Variants in ASB3 observed in about 807,000 individuals in gnomAD.
ASB3 encodes the protein ankyrin repeat and SOCS box containing 3, also known as ankyrin repeat and SOCS box protein 3.
A neutral mutation model predicts 54.5 loss-of-function variants in ASB3; 41 were observed. The ratio of observed to expected loss-of-function variants is 0.75; its 90% CI spans 0.59 to 0.98. The LOEUF is 0.98. Among genes scored for constraint, ASB3 ranks in the 50% least tolerant of loss-of-function variants. The pLI is 0.00. For missense variants in ASB3, 733 were observed against 620.0 expected (o/e 1.18, Z -1.94); for synonymous variants, 266 against 221.2 (o/e 1.20, Z -1.80).
chr2:53,671,710 G>T (rs1667830417), intron 9 of ASB3, among the ~76,000 whole-genome samples: 1 of 113,552 alleles, frequency 8.8e-6, no homozygotes, highest in South Asian at 2.5e-4. Context: ...AGTGAGCCGA[G>T]ATCATGCCAC....
chr2:53,675,146 G>A (rs1668018919), intron 9 of ASB3, among the ~76,000 whole-genome samples: 1 of 152,156 alleles, frequency 6.6e-6, no homozygotes, highest in South Asian at 2.1e-4. Context: ...TGTTGATGAT[G>A]TTCAAGTTGG....
At chr2:53,772,640 G>A (rs1371006414) in intron 1 of ASB3, among the ~76,000 whole-genome samples, 2 of 151,664 alleles carry the variant, frequency 1.3e-5, no homozygotes, top group Non-Finnish European at 2.9e-5. Flanking sequence ...AGAAATCTAA[G>A]TGAGGAATTC....
chr2:53,784,569 T>C (rs1398477672), intron 1 of ASB3, among the ~76,000 whole-genome samples: 1 of 152,186 alleles, frequency 6.6e-6, no homozygotes, highest in Non-Finnish European at 1.5e-5. Context: ...AGAAGGATTC[T>C]TCCTTGCCTC....
chr2:53,715,230 A>G (rs17045139), intron 6 of ASB3, among the ~76,000 whole-genome samples: 8,747 of 152,230 alleles, frequency 0.057, 481 homozygotes, highest in East Asian at 0.28. Context: ...GGTTATTTGT[A>G]AACTTACCTC....
Position 53,671,351 on chromosome 2 carries a change from AGCGT to A in ASB3, c.1370-665_1370-662del, listed in dbSNP as rs1460491384. 4.3e-3 allele frequency among the ~76,000 whole-genome samples: 497 copies of A among 115,156 alleles called. 2 individuals are homozygous for A. Among genetic ancestry groups the A allele is most frequent in the African/African-American group, 0.016 (480 of 30,566 alleles). 75.5% of individuals were successfully genotyped at this position (115,156 alleles called of 152,430 possible). A position where few individuals can be genotyped will look rare whatever the true frequency, so the allele number is the denominator to read the frequency against. On this transcript the variant is annotated intron_variant, in intron 9 of 9. Transcript: ENST00000263634. The stretch of plus-strand genomic sequence containing the variant: ...CAAACTCAGATCTATCTGAACCCAA[AGCGT>A]GTGTGTGTGTGTGTGTGTGTGTGTG...
intron 2 of ASB3, among the ~76,000 whole-genome samples, chr2:53,752,837 C>T (rs1376834517): frequency 6.6e-6 from 1 of 152,118 alleles, no homozygotes; most frequent in Non-Finnish European, 1.5e-5. Flanking sequence ...AAGGAATCAA[C>T]AGAAGCAGTA....
At chr2:53,759,055 C>T (rs1166921253) in intron 2 of ASB3, among the ~76,000 whole-genome samples, 1 of 152,190 alleles carries the variant, frequency 6.6e-6, no homozygotes, top group Non-Finnish European at 1.5e-5. Context: ...ACGCTAACCA[C>T]AAAAGAGAGA....
At chr2:53,768,058 C>G in intron 1 of ASB3, 3 of 1,606,458 alleles carry the variant, frequency 1.9e-6, no homozygotes, top group Non-Finnish European at 2.5e-6. Context: ...TTACTGCCCC[C>G]TGACCCCTGC....
intron 9 of ASB3, among the ~76,000 whole-genome samples, chr2:53,681,457 A>G (rs1668367505): frequency 6.6e-6 from 1 of 152,158 alleles, no homozygotes; most frequent in South Asian, 2.1e-4. Context: ...AGTTCAATGT[A>G]CTAGAGAGTT....
At position 53,694,013 on chromosome 2, in the gene ASB3, T is replaced by C; in HGVS notation, c.1240A>G (p.Ile414Val). The part of the protein sequence containing the change: ...DPLILLCNSW[I>V]DSVSIDTLIF... ...AGGGTGTCAATGCTGACTGAGTCAA[T>C]CCTATGTTAGCAAGATGTTAATATA... is the stretch of plus-strand genomic sequence containing the variant. The change falls in exon 9 of 10, where the codon ATT (isoleucine) becomes GTT (valine). Residue 414 changes from isoleucine (I) to valine (V), a missense_variant and splice_region_variant. Physicochemically the swap from Ile to Val is conservative, Grantham distance 29. Transcript: ENST00000263634. 2 of 1,612,688 alleles carry C rather than the reference T, an allele frequency of 1.2e-6. No homozygotes were observed. Among genetic ancestry groups the C allele is most frequent in the Non-Finnish European group, 1.7e-6 (2 of 1,179,204 alleles).
chr2:53,756,626 G>GA (rs1226402484), intron 2 of ASB3, among the ~76,000 whole-genome samples: 1 of 151,706 alleles, frequency 6.6e-6, no homozygotes, highest in African/African-American at 2.4e-5. Context: ...GGACCTAAAA[G>GA]AAAAAAAAGG....
chr2:53,676,664 C>T (rs1307234901), intron 9 of ASB3, among the ~76,000 whole-genome samples: 4 of 152,210 alleles, frequency 2.6e-5, no homozygotes, highest in African/African-American at 7.2e-5. Context: ...TCACTCTCCA[C>T]TCACTCATTG....
intron 7 of ASB3, among the ~76,000 whole-genome samples, chr2:53,704,691 T>C (rs1458200614): frequency 6.6e-6 from 1 of 152,172 alleles, no homozygotes; most frequent in African/African-American, 2.4e-5. Flanking sequence ...ATATTACATA[T>C]ACAGTAAATG....
chr2:53,705,716 T>C (rs1250298806), intron 7 of ASB3, among the ~76,000 whole-genome samples: 7 of 152,232 alleles, frequency 4.6e-5, no homozygotes, highest in Admixed American at 4.6e-4. Context: ...GTTAGACCTG[T>C]TGATACTGTC....
rs149521607 is a variant in ASB3 at position 53,710,279 on chromosome 2, A to G, written c.980+4105T>C. The stretch of plus-strand genomic sequence containing the variant: ...CTTTCAAGTTAATTTACTCTTTCCT[A>G]TATCTTTCATTTGGCTATGGAGTCC... On this transcript the variant is annotated intron_variant, in intron 7 of 9. Coordinates refer to ENST00000263634, the MANE Select transcript of ASB3 (RefSeq NM_016115.5). Among the ~76,000 whole-genome samples, 975 of 152,194 alleles carry G rather than the reference A, an allele frequency of 6.4e-3. 11 individuals carry two copies. The highest frequency in any genetic ancestry group is 0.023 in the African/African-American group (935 of 41,504).
intron 1 of ASB3, chr2:53,767,566 A>G (rs969967679): frequency 5.0e-5 from 12 of 238,602 alleles, no homozygotes; most frequent in Admixed American, 1.5e-4. Context: ...AGCTCCAAAA[A>G]GCATTGTGGG....
Position 53,767,897 on chromosome 2 carries a change from T to C in ASB3, c.-13-2312A>G, listed in dbSNP as rs761385523. ...AGGAGCCGCGAGAAGATGTGGGTTTTTGGTTACGGGTCCCTGATCTGGAAG... is the reference window on the plus strand; with the variant it reads ...AGGAGCCGCGAGAAGATGTGGGTTTCTGGTTACGGGTCCCTGATCTGGAAG... On this transcript the variant is annotated intron_variant, in intron 1 of 9. Transcript: ENST00000263634. The C allele has an allele frequency of 3.7e-6, 6 of 1,611,632 alleles. No individual in the cohort carries two copies. In the African/African-American group the frequency reaches 5.3e-5, roughly 14 times the overall value.
chr2:53,751,288 G>A (rs749851164), intron 2 of ASB3, among the ~76,000 whole-genome samples: 24 of 152,084 alleles, frequency 1.6e-4, no homozygotes, highest in Non-Finnish European at 2.6e-4. Flanking sequence ...AGAATTTATC[G>A]AAATATTCAT....
At chr2:53,740,158 T>G (rs1317641168) in intron 3 of ASB3, among the ~76,000 whole-genome samples, 1 of 152,250 alleles carries the variant, frequency 6.6e-6, no homozygotes, top group Admixed American at 6.5e-5. Flanking sequence ...GAATTTTTAA[T>G]GGTATCTCTA....
Sources: allele counts gnomAD v4.1 joint callset (sites outside exome capture counted in the v4.1 genomes callset), GRCh38; gene constraint gnomAD v4.1.1; transcripts MANE v1.5; gene names NCBI Gene and HGNC (gene_info 2026-07-23, HGNC 2026-07-21).